PHF21A: variants seen among roughly 807,000 people sequenced by gnomAD.
PHF21A encodes the protein PHD finger protein 21A, also known as BHC80a.
PHF21A carries 11 observed loss-of-function variants against 82.5 expected under a neutral mutation model. That is an observed-to-expected ratio of 0.13 (90% confidence interval 0.08 to 0.22). The LOEUF (loss-of-function observed/expected upper bound fraction) is 0.22. Ranked by LOEUF, PHF21A falls within the 10% of genes least tolerant of loss-of-function variation. The pLI is 1.00. For missense variants in PHF21A, 579 were observed against 837.8 expected (o/e 0.69, Z 3.81); for synonymous variants, 297 against 302.8 (o/e 0.98, Z 0.20).
chr11:46,072,101 A>G (rs2096663048), intron 6 of PHF21A, among the ~76,000 whole-genome samples: 1 of 152,238 alleles, frequency 6.6e-6, no homozygotes, highest in Admixed American at 6.5e-5. Flanking sequence ...CTAATAAGGA[A>G]GACAGATATT....
At chr11:46,106,792 T>C (rs187486859) in intron 1 of PHF21A, among the ~76,000 whole-genome samples, 27 of 152,254 alleles carry the variant, frequency 1.8e-4, no homozygotes, top group African/African-American at 6.3e-4. Flanking sequence ...TCAATGGGAG[T>C]AGAAGCTATC....
At chr11:46,110,204 T>C (rs1046920546) in intron 1 of PHF21A, among the ~76,000 whole-genome samples, 2 of 152,174 alleles carry the variant, frequency 1.3e-5, no homozygotes, top group Non-Finnish European at 2.9e-5. Context: ...ATCCTTTTAA[T>C]ATCATAGTGA....
rs971450195 is a variant in PHF21A at position 46,092,230 on chromosome 11, C to T, written c.-236-7G>A. ...CCTTCAGCTCTCTAGCCCCCTATAACAGAAGAACGGGAAAATGGAATTAGA... is the reference window on the plus strand; with the variant it reads ...CCTTCAGCTCTCTAGCCCCCTATAATAGAAGAACGGGAAAATGGAATTAGA... On this transcript the variant is annotated splice_region_variant and splice_polypyrimidine_tract_variant and intron_variant, in intron 1 of 18. Transcript: ENST00000676320. 2 of 152,164 alleles carry T rather than the reference C, an allele frequency of 1.3e-5. No homozygotes were observed. The highest frequency in any genetic ancestry group is 2.4e-5 in the African/African-American group (1 of 41,506). 9.4% of individuals were successfully genotyped at this position (152,164 alleles called of 1,614,324 possible).
At chr11:46,012,410 A>G (rs766104389) in intron 6 of PHF21A, among the ~76,000 whole-genome samples, 2 of 152,110 alleles carry the variant, frequency 1.3e-5, no homozygotes, top group African/African-American at 4.8e-5. Flanking sequence ...TCCTCCCTAT[A>G]GTCATTCCCT....
intron 6 of PHF21A, chr11:46,027,011 A>C (rs2095759225): frequency 6.6e-6 from 1 of 152,176 alleles, no homozygotes. Context: ...TTTCTGAAAA[A>C]TTAAAAGTCT....
In PHF21A at chr11:45,930,494, G is replaced by A. The variant is rs1047022039; in HGVS notation, c.*3474C>T. On this transcript the variant is annotated 3_prime_UTR_variant, in exon 19 of 19. Transcript: ENST00000676320. Reference sequence around the variant, plus strand: ...CCCAAAGGGCCTGATAAGGAAGGAAGAAATCAAAACCCCAGAGGAGCTCAG... The same window carrying A: ...CCCAAAGGGCCTGATAAGGAAGGAAAAAATCAAAACCCCAGAGGAGCTCAG... The A allele has an allele frequency of 6.6e-6, 1 of 152,450 alleles. No homozygotes were observed. The highest frequency in any genetic ancestry group is 2.4e-5 in the African/African-American group (1 of 41,464). The allele number at this position is 152,450 out of a possible 1,614,324, so 9.4% of individuals were successfully genotyped here.
chr11:46,093,648 G>A (rs1483289441), intron 1 of PHF21A, among the ~76,000 whole-genome samples: 4 of 152,156 alleles, frequency 2.6e-5, no homozygotes, highest in South Asian at 4.1e-4. Context: ...GATATCTACA[G>A]GACTCTGTGC....
intron 6 of PHF21A, chr11:46,027,173 C>A (rs189830155): frequency 2.0e-5 from 3 of 152,290 alleles, no homozygotes; most frequent in Non-Finnish European, 4.4e-5. Flanking sequence ...CATCACTCTG[C>A]TTTTTCTCCC....
chr11:46,003,575 AG>A (rs1339211448), intron 6 of PHF21A, among the ~76,000 whole-genome samples: 1 of 152,186 alleles, frequency 6.6e-6, no homozygotes, highest in Non-Finnish European at 1.5e-5. Flanking sequence ...ATTTTCACGA[AG>A]GGCAGAGTGA....
intron 6 of PHF21A, among the ~76,000 whole-genome samples, chr11:46,029,118 T>A (rs1000303737): frequency 6.6e-6 from 1 of 152,230 alleles, no homozygotes; most frequent in Non-Finnish European, 1.5e-5. Context: ...CTAAACCTTG[T>A]GGAAATTAAG....
chr11:46,102,030 G>T, intron 1 of PHF21A, among the ~76,000 whole-genome samples: 1 of 152,054 alleles, frequency 6.6e-6, no homozygotes, highest in East Asian at 1.9e-4. Flanking sequence ...GCTAATTTTT[G>T]TATTTTTAGT....
In PHF21A at chr11:45,932,022, T is replaced by C. The variant is rs576837086; in HGVS notation, c.*1946A>G. ...TGGAGCCAACAGGCAGAGAAAGGAGTGGGAGCTTCAGACCTCTCCCCAAAG... is the reference window on the plus strand; with the variant it reads ...TGGAGCCAACAGGCAGAGAAAGGAGCGGGAGCTTCAGACCTCTCCCCAAAG... On this transcript the variant is annotated 3_prime_UTR_variant, in exon 19 of 19. Coordinates refer to ENST00000676320, the MANE Select transcript of PHF21A (RefSeq NM_001352027.3). This position sits in a 1 kb window ranked among gnomAD's most constrained non-coding sequence, Gnocchi z 4.3. 18 of 151,852 alleles carry C rather than the reference T, an allele frequency of 1.2e-4. No individual in the cohort carries two copies. Among genetic ancestry groups the C allele is most frequent in the African/African-American group, 4.3e-4 (18 of 41,396 alleles). 9.4% of individuals were successfully genotyped at this position (151,852 alleles called of 1,614,324 possible).
intron 11 of PHF21A, among the ~76,000 whole-genome samples, chr11:45,952,270 C>T (rs943597529): frequency 2.0e-5 from 3 of 152,188 alleles, no homozygotes; most frequent in Admixed American, 1.3e-4. Flanking sequence ...CACACTGGGT[C>T]TAGCTCCATC....
chr11:45,976,614 G>T (rs2094037418), intron 7 of PHF21A, among the ~76,000 whole-genome samples: 3 of 152,188 alleles, frequency 2.0e-5, no homozygotes, highest in Admixed American at 1.3e-4. Context: ...GACCGAGATG[G>T]GTGGATCACT....
chr11:46,018,743 A>G (rs1034004317), intron 6 of PHF21A, among the ~76,000 whole-genome samples: 2 of 152,182 alleles, frequency 1.3e-5, no homozygotes, highest in Admixed American at 1.3e-4. Context: ...AAACAGAGAT[A>G]GCAATTGATA....
intron 10 of PHF21A, among the ~76,000 whole-genome samples, chr11:45,963,059 A>G (rs2093205135): frequency 6.6e-6 from 1 of 152,164 alleles, no homozygotes; most frequent in Non-Finnish European, 1.5e-5. Context: ...GTAGGGAAAA[A>G]ACCAAATTAC....
chr11:46,103,128 C>T (rs1271067683), intron 1 of PHF21A, among the ~76,000 whole-genome samples: 1 of 152,190 alleles, frequency 6.6e-6, no homozygotes, highest in African/African-American at 2.4e-5. Context: ...CCACTTTTTA[C>T]AAATTAAGCA....
At chr11:46,005,475 C>T (rs117167419) in intron 6 of PHF21A, among the ~76,000 whole-genome samples, 1 of 152,200 alleles carries the variant, frequency 6.6e-6, no homozygotes, top group East Asian at 1.9e-4. Context: ...AAAGCAAAAA[C>T]CTCATTTGCA....
intron 6 of PHF21A, among the ~76,000 whole-genome samples, chr11:46,055,516 G>A (rs1279827953): frequency 6.6e-6 from 1 of 152,132 alleles, no homozygotes; most frequent in Non-Finnish European, 1.5e-5. Flanking sequence ...TCTCCACAGA[G>A]CTTTTACTGT....
Sources: gnomAD v4.1 joint callset for allele counts (sites outside exome capture counted in the v4.1 genomes callset) on GRCh38, gnomAD v4.1.1 for gene constraint, Gnocchi (gnomAD v3.1) non-coding constraint, MANE v1.5 for transcripts, NCBI Gene and HGNC (gene_info 2026-07-23, HGNC 2026-07-21) for gene names.